LOC128092253: variants seen among roughly 807,000 people sequenced by gnomAD.
At chr6:133,966,207 C>T in the LOC128092253 span, among the ~76,000 whole-genome samples, 2 of 152,048 alleles carry the variant, frequency 1.3e-5, no homozygotes, top group East Asian at 1.9e-4. Context: ...ATGTGTATGG[C>T]GCATTGGGAA....
At chr6:133,956,477 A>G in the LOC128092253 span, among the ~76,000 whole-genome samples, 1 of 152,228 alleles carries the variant, frequency 6.6e-6, no homozygotes, top group Admixed American at 6.5e-5. Flanking sequence ...TTTATTACAT[A>G]CTGCCTGGTA....
the LOC128092253 span, among the ~76,000 whole-genome samples, chr6:133,956,433 A>C: frequency 7.9e-5 from 12 of 152,324 alleles, no homozygotes; most frequent in African/African-American, 2.6e-4. Context: ...GTGTGTAATA[A>C]AACATGACAG....
the LOC128092253 span, among the ~76,000 whole-genome samples, chr6:133,958,161 T>G: frequency 6.6e-6 from 1 of 152,254 alleles, no homozygotes; most frequent in African/African-American, 2.4e-5. Flanking sequence ...TGGCACCATG[T>G]TGCAGCTATT....
the LOC128092253 span, among the ~76,000 whole-genome samples, chr6:133,979,316 A>C: frequency 1.3e-5 from 2 of 152,322 alleles, no homozygotes; most frequent in Admixed American, 1.3e-4. Flanking sequence ...TTTAAACTTA[A>C]GTCAGTTACT....
the LOC128092253 span, among the ~76,000 whole-genome samples, chr6:133,956,706 C>T: frequency 3.3e-5 from 5 of 152,160 alleles, no homozygotes; most frequent in Admixed American, 6.5e-5. Flanking sequence ...TTCTTGATGC[C>T]TAAAATTTCA....
At chr6:133,961,167 C>T in the LOC128092253 span, among the ~76,000 whole-genome samples, 3 of 152,186 alleles carry the variant, frequency 2.0e-5, no homozygotes, top group Non-Finnish European at 4.4e-5. Flanking sequence ...ACTGTTTACA[C>T]TTACCTGCCC....
At chr6:133,967,674 G>A in the LOC128092253 span, among the ~76,000 whole-genome samples, 5 of 151,998 alleles carry the variant, frequency 3.3e-5, no homozygotes, top group Admixed American at 6.6e-5. Context: ...TAAGTATTTG[G>A]GTATCTAAAC....
the LOC128092253 span, among the ~76,000 whole-genome samples, chr6:133,978,887 A>G: frequency 1.3e-5 from 2 of 152,186 alleles, no homozygotes; most frequent in Admixed American, 6.5e-5. Context: ...TGTGGCTGCA[A>G]GGAATTTTAA....
the LOC128092253 span, among the ~76,000 whole-genome samples, chr6:133,973,082 T>G: frequency 1.3e-5 from 2 of 152,246 alleles, no homozygotes; most frequent in Non-Finnish European, 2.9e-5. Context: ...TCATCCTGAT[T>G]CTAGGCATGT....
chr6:133,957,969 C>A, the LOC128092253 span, among the ~76,000 whole-genome samples: 1 of 152,114 alleles, frequency 6.6e-6, no homozygotes, highest in East Asian at 1.9e-4. Flanking sequence ...CATTGAAATT[C>A]TTTCTTTCTT....
chr6:133,956,431 TAAA>T, the LOC128092253 span, among the ~76,000 whole-genome samples: 1 of 152,178 alleles, frequency 6.6e-6, no homozygotes, highest in Non-Finnish European at 1.5e-5. Flanking sequence ...ATGTGTGTAA[TAAA>T]ACATGACAGA....
chr6:133,973,341 C>T, the LOC128092253 span, among the ~76,000 whole-genome samples: 1 of 152,174 alleles, frequency 6.6e-6, no homozygotes, highest in African/African-American at 2.4e-5. Flanking sequence ...AACCTTAGGG[C>T]CCATTCCCCT....
At chr6:133,971,515 G>A in the LOC128092253 span, among the ~76,000 whole-genome samples, 2 of 152,018 alleles carry the variant, frequency 1.3e-5, no homozygotes, top group African/African-American at 4.8e-5. Context: ...GGCTATGTGA[G>A]TTTACTATCC....
At chr6:133,957,265 C>T in the LOC128092253 span, among the ~76,000 whole-genome samples, 2 of 152,162 alleles carry the variant, frequency 1.3e-5, no homozygotes, top group South Asian at 4.1e-4. Context: ...CCAAAAAGTA[C>T]AGCACAGAAG....
chr6:133,962,615 T>C, the LOC128092253 span, among the ~76,000 whole-genome samples: 2 of 152,214 alleles, frequency 1.3e-5, no homozygotes, highest in African/African-American at 4.8e-5. Context: ...AATAGATGAT[T>C]GGGAATATGG....
the LOC128092253 span, among the ~76,000 whole-genome samples, chr6:133,959,464 G>GTTCT: frequency 1.8e-4 from 27 of 152,136 alleles, no homozygotes; most frequent in East Asian, 1.5e-3. Context: ...TTTCTCTAGT[G>GTTCT]TTCTTTCTTT....
At chr6:133,979,688 A>G in the LOC128092253 span, among the ~76,000 whole-genome samples, 1 of 152,216 alleles carries the variant, frequency 6.6e-6, no homozygotes, top group Non-Finnish European at 1.5e-5. Context: ...ACTCTGTCTC[A>G]CAGGCTGGAA....
chr6:133,974,775 A>G, the LOC128092253 span, among the ~76,000 whole-genome samples: 1 of 152,252 alleles, frequency 6.6e-6, no homozygotes, highest in South Asian at 2.1e-4. Flanking sequence ...CACACTTTCA[A>G]CATCGTTTGA....
the LOC128092253 span, among the ~76,000 whole-genome samples, chr6:133,971,788 T>C: frequency 3.3e-5 from 5 of 152,180 alleles, no homozygotes; most frequent in Non-Finnish European, 7.4e-5. Flanking sequence ...ATTATTTCTT[T>C]TGCTGAGTTG....
Sources: gnomAD v4.1 joint callset for allele counts (sites outside exome capture counted in the v4.1 genomes callset) on GRCh38, gnomAD v4.1.1 for gene constraint, MANE v1.5 for transcripts.